DSCAM: variants seen among roughly 807,000 people sequenced by gnomAD.
DSCAM encodes DS cell adhesion molecule.
A neutral mutation model predicts 217.7 loss-of-function variants in DSCAM; 47 were observed. The observed-to-expected ratio is 0.22, with a 90% CI of 0.17 to 0.28. DSCAM has a LOEUF of 0.28. Among genes scored for constraint, DSCAM ranks in the 10% least tolerant of loss-of-function variants. DSCAM has a pLI of 1.00. For missense variants in DSCAM, 2,080 were observed against 2,618.3 expected (o/e 0.79, Z 4.49); for synonymous variants, 1,056 against 1,015.3 (o/e 1.04, Z -0.76).
At chr21:40,146,085 C>T (rs963716232) in intron 16 of DSCAM, among the ~76,000 whole-genome samples, 3 of 152,100 alleles carry the variant, frequency 2.0e-5, no homozygotes, top group East Asian at 3.8e-4. Flanking sequence ...AAAGCTTTCT[C>T]CGTCCTGAAA....
At chr21:40,548,218 T>A (rs1170536839) in intron 3 of DSCAM, among the ~76,000 whole-genome samples, 1 of 152,216 alleles carries the variant, frequency 6.6e-6, no homozygotes, top group Admixed American at 6.5e-5. Context: ...CCTAGCACTT[T>A]ACAAGGCGAG....
At chr21:40,214,354 G>C (rs2091218595) in intron 11 of DSCAM, among the ~76,000 whole-genome samples, 1 of 152,304 alleles carries the variant, frequency 6.6e-6, no homozygotes, top group East Asian at 1.9e-4. Context: ...TATGAAGTGT[G>C]CATCTGGTAT....
rs143082709 is a variant in DSCAM at position 40,617,384 on chromosome 21, G to A, written c.508+75426C>T. The stretch of plus-strand genomic sequence containing the variant: ...CGTGATCCACCCGCCTCGGCCTCCC[G>A]AAGTGCTGGGATTACAGGCGTGAGC... On this transcript the variant is annotated intron_variant, in intron 3 of 32. Coordinates refer to ENST00000400454, the MANE Select transcript of DSCAM (RefSeq NM_001389.5). Among the ~76,000 whole-genome samples, 1,249 of 152,000 alleles carry A rather than the reference G, an allele frequency of 8.2e-3. 3 individuals are homozygous for A. Among genetic ancestry groups the A allele is most frequent in the Non-Finnish European group, 0.013 (859 of 67,970 alleles).
intron 20 of DSCAM, among the ~76,000 whole-genome samples, chr21:40,121,722 C>T (rs1276340501): frequency 2.0e-5 from 2 of 100,738 alleles, no homozygotes; most frequent in African/African-American, 4.2e-5. Flanking sequence ...CAGAGTCTTG[C>T]TCTGTTGCCC....
intron 1 of DSCAM, among the ~76,000 whole-genome samples, chr21:40,709,856 G>C (rs2090758955): frequency 6.6e-6 from 1 of 152,242 alleles, no homozygotes; most frequent in Admixed American, 6.5e-5. Flanking sequence ...TGTATACCCA[G>C]TAATGGGATT....
chr21:40,415,880 T>C (rs536190765), intron 3 of DSCAM, among the ~76,000 whole-genome samples: 105 of 152,302 alleles, frequency 6.9e-4, no homozygotes, highest in Middle Eastern at 3.4e-3. Flanking sequence ...CATGCATCGC[T>C]GTCATCATTA....
At chr21:40,578,595 G>C (rs1034958913) in intron 3 of DSCAM, among the ~76,000 whole-genome samples, 1 of 152,292 alleles carries the variant, frequency 6.6e-6, no homozygotes, top group African/African-American at 2.4e-5. Context: ...AGCACCCAGC[G>C]TGGGACCCCT....
intron 11 of DSCAM, among the ~76,000 whole-genome samples, chr21:40,274,574 A>T (rs2073662195): frequency 6.6e-6 from 1 of 152,138 alleles, no homozygotes. Context: ...AGATGGACCG[A>T]CTCTGGTCAA....
chr21:40,310,020 C>G lies in DSCAM; in HGVS notation c.2062+2061G>C, dbSNP rs1482086661. Among the ~76,000 whole-genome samples the G allele has an allele frequency of 5.9e-5, 9 of 152,178 alleles. 1 individual carries two copies. The highest frequency in any genetic ancestry group is 4.6e-4 in the Admixed American group (7 of 15,272). On this transcript the variant is annotated intron_variant, in intron 9 of 32. Coordinates refer to ENST00000400454, the MANE Select transcript of DSCAM (RefSeq NM_001389.5). ...GTTCTAATTACTCAGGGGGCTGGAA[C>G]TGAGACTTGGCTACATATTAGAATA... is the stretch of plus-strand genomic sequence containing the variant.
chr21:40,202,025 C>CTTCTA lies in DSCAM; in HGVS notation c.2357-12792_2357-12788dup, dbSNP rs1285194990. Among the ~76,000 whole-genome samples, 3 of 152,246 alleles carry CTTCTA rather than the reference C, an allele frequency of 2.0e-5. No homozygotes were observed. In the East Asian group the frequency reaches 5.8e-4, roughly 29 times the overall value. On this transcript the variant is annotated intron_variant, in intron 11 of 32. Transcript: ENST00000400454. The stretch of plus-strand genomic sequence containing the variant: ...ATTATAAAAGGACTGTAGCTTCTAC[C>CTTCTA]TTCTACTTGGGTGCCCCAGTTCTCT...
intron 3 of DSCAM, among the ~76,000 whole-genome samples, chr21:40,545,416 C>T (rs181906065): frequency 1.1e-4 from 17 of 152,238 alleles, no homozygotes; most frequent in Admixed American, 4.6e-4. Flanking sequence ...CTGTAATATC[C>T]GAAATTTTAC....
intron 3 of DSCAM, among the ~76,000 whole-genome samples, chr21:40,617,992 G>A (rs1189822660): frequency 6.6e-6 from 1 of 152,220 alleles, no homozygotes; most frequent in African/African-American, 2.4e-5. Context: ...GGCTGCCTGG[G>A]TGAAGGTGAA....
chr21:40,254,363 G>C (rs1476811596), intron 11 of DSCAM, among the ~76,000 whole-genome samples: 1 of 152,168 alleles, frequency 6.6e-6, no homozygotes, highest in Non-Finnish European at 1.5e-5. Context: ...ATAAGTAAAA[G>C]CTCAGAACCC....
intron 3 of DSCAM, among the ~76,000 whole-genome samples, chr21:40,586,456 T>C (rs929547400): frequency 2.6e-5 from 4 of 151,954 alleles, no homozygotes; most frequent in African/African-American, 4.8e-5. Context: ...TGGGAAAGAG[T>C]GTTCAGAAGC....
At chr21:40,137,566 G>A (rs951325285) in intron 18 of DSCAM, among the ~76,000 whole-genome samples, 1 of 149,220 alleles carries the variant, frequency 6.7e-6, no homozygotes, top group African/African-American at 2.5e-5. Flanking sequence ...CTACAGTCTA[G>A]CTTTCATGCC....
At chr21:40,209,310 G>T (rs1238633240) in intron 11 of DSCAM, among the ~76,000 whole-genome samples, 1 of 152,168 alleles carries the variant, frequency 6.6e-6, no homozygotes, top group Non-Finnish European at 1.5e-5. Context: ...GCCAGGCTTT[G>T]AGCAAAATGC....
intron 1 of DSCAM, among the ~76,000 whole-genome samples, chr21:40,801,882 T>A (rs920216722): frequency 5.3e-5 from 8 of 151,934 alleles, no homozygotes; most frequent in Admixed American, 2.6e-4. Flanking sequence ...CAGGGACTTG[T>A]CACAGGGGGG....
intron 11 of DSCAM, among the ~76,000 whole-genome samples, chr21:40,242,519 A>G (rs2073167454): frequency 6.6e-6 from 1 of 152,196 alleles, no homozygotes; most frequent in South Asian, 2.1e-4. Context: ...CTTCCAGCCA[A>G]TGAGCTGTGA....
intron 11 of DSCAM, among the ~76,000 whole-genome samples, chr21:40,267,277 A>G (rs1375104010): frequency 6.8e-6 from 1 of 148,124 alleles, no homozygotes; most frequent in Admixed American, 6.7e-5. Context: ...TTTTTTTTTT[A>G]TAAGTAGAAG....
Sources: allele counts gnomAD v4.1 joint callset (sites outside exome capture counted in the v4.1 genomes callset), GRCh38; gene constraint gnomAD v4.1.1; transcripts MANE v1.5; gene names NCBI Gene and HGNC (gene_info 2026-07-23, HGNC 2026-07-21).